GLI3: variants seen among roughly 807,000 people sequenced by gnomAD.
GLI3 encodes GLI family zinc finger 3, also known as transcription activator GLI3.
GLI3 carries 20 observed loss-of-function variants against 100.8 expected under a neutral mutation model. That is an observed-to-expected ratio of 0.20 (90% confidence interval 0.14 to 0.29). The LOEUF (loss-of-function observed/expected upper bound fraction) is 0.29. GLI3 is among the 10% of genes least tolerant of loss of function. The pLI is 1.00. For synonymous variants in GLI3, 938 were observed against 860.5 expected (o/e 1.09, Z -1.58); for missense variants, 2,040 against 2,128.5 (o/e 0.96, Z 0.82).
At chr7:42,044,463 A>G (rs1007329567) in intron 6 of GLI3, among the ~76,000 whole-genome samples, 1 of 152,238 alleles carries the variant, frequency 6.6e-6, no homozygotes. Flanking sequence ...CGTCTACATA[A>G]GTGACCCACA....
At chr7:42,106,579 A>G (rs1785579419) in intron 3 of GLI3, among the ~76,000 whole-genome samples, 1 of 152,222 alleles carries the variant, frequency 6.6e-6, no homozygotes, top group Non-Finnish European at 1.5e-5. Flanking sequence ...AATCATTTGC[A>G]GCAGTGGCCT....
Position 41,964,508 on chromosome 7 carries a change from G to T in GLI3, c.4565C>A (p.Ala1522Asp), listed in dbSNP as rs1400373121. 1 of 1,613,996 alleles carries T rather than the reference G, an allele frequency of 6.2e-7. No homozygotes were observed. Among genetic ancestry groups the T allele is most frequent in the African/African-American group, 1.3e-5 (1 of 75,038 alleles). Residue 1522 changes from alanine to aspartate, a missense_variant, in exon 15 of 15, where the codon GCC becomes GAC. This residue lies in a region of GLI3 where 1,041 missense variants were observed against 924.0 expected (regional missense o/e 1.13). Transcript: ENST00000395925. The part of the protein sequence containing the change: ...DGDHSSLMSG[A>D]LSPSIIQNLS... ...GTTCTGAATGATACTTGGGCTCAGG[G>T]CCCCCGACATCAGGCTGGAGTGGTC...
At chr7:41,977,115 A>G (rs1391360571) in intron 12 of GLI3, among the ~76,000 whole-genome samples, 1 of 152,200 alleles carries the variant, frequency 6.6e-6, no homozygotes, top group African/African-American at 2.4e-5. Flanking sequence ...ATTTGAAGAT[A>G]CCACTTGGAG....
intron 2 of GLI3, among the ~76,000 whole-genome samples, chr7:42,220,520 T>G (rs966189481): frequency 1.3e-5 from 2 of 152,104 alleles, no homozygotes; most frequent in Non-Finnish European, 2.9e-5. Context: ...CCAGTCCCTG[T>G]GATCAAGACT....
chr7:42,075,825 G>A (rs1323466231), intron 4 of GLI3, among the ~76,000 whole-genome samples: 1 of 152,200 alleles, frequency 6.6e-6, no homozygotes, highest in African/African-American at 2.4e-5. Context: ...TCTGTTCACA[G>A]AGGAGGACTT....
Position 42,257,576 on chromosome 7 carries a change from C to T in GLI3, c.-43+6418G>A, listed in dbSNP as rs572140770. On this transcript the variant is annotated intron_variant, in intron 1 of 2. Coordinates refer to the GLI3 transcript ENST00000678978. ...AGCCAGGATGGTCTCCATCTCCTGA[C>T]CTCGTGATCCTCCCACCTCGGGCTC... Among the ~76,000 whole-genome samples, 8 of 152,176 alleles carry T rather than the reference C, an allele frequency of 5.3e-5. No individual in the cohort carries two copies. In the South Asian group the frequency reaches 1.7e-3, roughly 32 times the overall value.
intron 3 of GLI3, among the ~76,000 whole-genome samples, chr7:42,081,156 C>T (rs1472378525): frequency 2.6e-5 from 4 of 152,168 alleles, no homozygotes; most frequent in Non-Finnish European, 5.9e-5. Context: ...GTGTACTCTA[C>T]TGTCAGCAAA....
At chr7:42,109,429 G>A (rs1785651220) in intron 3 of GLI3, among the ~76,000 whole-genome samples, 1 of 152,210 alleles carries the variant, frequency 6.6e-6, no homozygotes, top group Non-Finnish European at 1.5e-5. Context: ...TATTGCTGAT[G>A]TTTTGGCTGA....
chr7:42,046,362 T>C (rs1399046018), intron 5 of GLI3, among the ~76,000 whole-genome samples: 3 of 152,208 alleles, frequency 2.0e-5, no homozygotes, highest in Non-Finnish European at 4.4e-5. Context: ...AGTTTTACGA[T>C]TATTATCTAG....
intron 3 of GLI3, among the ~76,000 whole-genome samples, chr7:42,140,539 C>T (rs846376): frequency 0.019 from 2,887 of 152,238 alleles, 105 homozygotes; most frequent in African/African-American, 0.066. Context: ...AATTTAATAG[C>T]TTAAAGAATT....
chr7:42,014,157 G>C (rs1788693524), intron 10 of GLI3, among the ~76,000 whole-genome samples: 1 of 152,136 alleles, frequency 6.6e-6, no homozygotes, highest in Non-Finnish European at 1.5e-5. Context: ...GCAAGGCTCA[G>C]CCCCATCTTT....
rs146052635 is a variant in GLI3, at chr7:41,962,372, G to A, written c.*1958C>T. On this transcript the variant is annotated 3_prime_UTR_variant, in exon 15 of 15. Coordinates refer to ENST00000395925, the MANE Select transcript of GLI3 (RefSeq NM_000168.6). Reference sequence around the variant, plus strand: ...TGATTCTGTGACAACATTATGCCTTGTTTCAGAAACACAGAGAAAGTCTTG... The same window carrying A: ...TGATTCTGTGACAACATTATGCCTTATTTCAGAAACACAGAGAAAGTCTTG... 6.6e-6 allele frequency: 1 copy of A among 152,240 alleles called. No individual in the cohort carries two copies. The highest frequency in any genetic ancestry group is 2.4e-5 in the African/African-American group (1 of 41,462). 9.4% of individuals were successfully genotyped at this position (152,240 alleles called of 1,614,324 possible).
upstream of GLI3, among the ~76,000 whole-genome samples, chr7:42,238,162 G>A (rs1416598094): frequency 6.6e-6 from 1 of 151,790 alleles, no homozygotes; most frequent in East Asian, 2.0e-4. Context: ...GGGGAAGGGG[G>A]CCCGGGCGTG....
intron 10 of GLI3, among the ~76,000 whole-genome samples, chr7:42,021,831 A>G (rs1191173751): frequency 6.6e-6 from 1 of 152,180 alleles, no homozygotes; most frequent in Non-Finnish European, 1.5e-5. Context: ...AATTCTCTTC[A>G]TGTTTGTTGG....
chr7:42,100,394 G>T (rs1785433624), intron 3 of GLI3, among the ~76,000 whole-genome samples: 1 of 152,318 alleles, frequency 6.6e-6, no homozygotes. Flanking sequence ...CAGGTTAGAT[G>T]AGGTCATTAG....
intron 2 of GLI3, chr7:42,172,571 G>A: frequency 1.4e-6 from 1 of 703,044 alleles, no homozygotes; most frequent in South Asian, 1.5e-5. Context: ...CCCCTTTCAA[G>A]GTAGCCCATC....
chr7:42,202,302 T>C (rs1788055907), intron 2 of GLI3, among the ~76,000 whole-genome samples: 1 of 150,110 alleles, frequency 6.7e-6, no homozygotes. Flanking sequence ...TGACCTCACC[T>C]GAAATTCATA....
chr7:42,060,495 T>C (rs1368098655), intron 4 of GLI3, among the ~76,000 whole-genome samples: 3 of 152,204 alleles, frequency 2.0e-5, no homozygotes, highest in South Asian at 4.1e-4. Context: ...GTTCAGCAAC[T>C]TCATTGCCAT....
intron 2 of GLI3, among the ~76,000 whole-genome samples, chr7:42,209,986 GAAAAAA>G (rs749477443): frequency 6.1e-3 from 203 of 33,276 alleles, no homozygotes; most frequent in Non-Finnish European, 7.4e-3. Context: ...TTAAGAATCT[GAAAAAA>G]AAAAAAAAAA....
Sources: allele counts gnomAD v4.1 joint callset (sites outside exome capture counted in the v4.1 genomes callset), GRCh38; gene constraint gnomAD v4.1.1; regional missense constraint gnomAD v4.1.1; transcripts MANE v1.5; gene names NCBI Gene and HGNC (gene_info 2026-07-23, HGNC 2026-07-21).